The following NRG3 variants were observed in gnomAD, a reference collection of about 807,000 sequenced individuals.
NRG3 encodes the protein neuregulin 3.
Under a neutral mutation model 66.9 loss-of-function variants are expected in NRG3, and 31 were observed. The observed-to-expected ratio is 0.46, with a 90% CI of 0.35 to 0.63. The LOEUF is 0.63. Among genes scored for constraint, NRG3 ranks in the 20% least tolerant of loss-of-function variants. NRG3 has a pLI of 0.00. For synonymous variants in NRG3, 393 were observed against 359.4 expected (o/e 1.09, Z -1.06); for missense variants, 910 against 878.9 (o/e 1.04, Z -0.45).
At chr10:81,918,831 C>A (rs7898035) in intron 1 of NRG3, among the ~76,000 whole-genome samples, 1 of 13,986 alleles carries the variant, frequency 7.2e-5, no homozygotes, top group African/African-American at 2.7e-4. Flanking sequence ...AAAACAAAAA[C>A]AAACACAAAA....
intron 2 of NRG3, among the ~76,000 whole-genome samples, chr10:82,472,799 TTTG>T (rs2132068362): frequency 6.6e-6 from 1 of 152,352 alleles, no homozygotes; most frequent in South Asian, 2.1e-4. Flanking sequence ...ACTAAGTGAC[TTTG>T]TTGTTTTATT....
At chr10:82,971,529 C>T (rs1291724984) in intron 6 of NRG3, among the ~76,000 whole-genome samples, 4 of 151,546 alleles carry the variant, frequency 2.6e-5, no homozygotes, top group South Asian at 2.1e-4. Flanking sequence ...CTCAATCTCC[C>T]GGGTTCAAGC....
At chr10:82,191,375 A>T (rs1367144541) in intron 1 of NRG3, among the ~76,000 whole-genome samples, 1 of 152,280 alleles carries the variant, frequency 6.6e-6, no homozygotes, top group South Asian at 2.1e-4. Context: ...TGCTTTCATG[A>T]TAAGTCTAAG....
At chr10:82,550,245 T>C (rs1459255026) in intron 2 of NRG3, among the ~76,000 whole-genome samples, 1 of 152,108 alleles carries the variant, frequency 6.6e-6, no homozygotes, top group Non-Finnish European at 1.5e-5. Context: ...ATTTAAAAAA[T>C]TTTTCCTTTT....
intron 1 of NRG3, among the ~76,000 whole-genome samples, chr10:82,062,857 A>C (rs17655804): frequency 6.6e-6 from 1 of 152,124 alleles, no homozygotes; most frequent in Non-Finnish European, 1.5e-5. Flanking sequence ...CTTGCTGTGT[A>C]TTCAGAGCAT....
chr10:82,936,978 G>C (rs1255770079), intron 4 of NRG3, among the ~76,000 whole-genome samples: 2 of 152,010 alleles, frequency 1.3e-5, no homozygotes. Flanking sequence ...TATCAGCACT[G>C]ATATTTATAA....
intron 1 of NRG3, among the ~76,000 whole-genome samples, chr10:81,910,111 T>C (rs1844983417): frequency 6.6e-6 from 1 of 152,232 alleles, no homozygotes; most frequent in Non-Finnish European, 1.5e-5. Flanking sequence ...GAGGGTTTTC[T>C]CAATTAGCAT....
intron 3 of NRG3, among the ~76,000 whole-genome samples, chr10:82,837,824 C>T (rs2062854404): frequency 1.3e-5 from 2 of 152,224 alleles, no homozygotes; most frequent in East Asian, 1.9e-4. Context: ...GGTGCAGGAG[C>T]TTTCAAAGGA....
At chr10:82,879,958 CTTTTT>C (rs35159008) in intron 4 of NRG3, among the ~76,000 whole-genome samples, 14 of 78,438 alleles carry the variant, frequency 1.8e-4, no homozygotes, top group African/African-American at 7.0e-4. Flanking sequence ...GATTTCATCC[CTTTTT>C]TTTTTTTTTT....
chr10:82,350,381 G>A (rs2083355208), intron 1 of NRG3, among the ~76,000 whole-genome samples: 1 of 152,196 alleles, frequency 6.6e-6, no homozygotes, highest in African/African-American at 2.4e-5. Flanking sequence ...TGGTGATACA[G>A]AGACTGACTT....
chr10:82,795,731 G>A (rs1299900498), intron 3 of NRG3, among the ~76,000 whole-genome samples: 1 of 152,148 alleles, frequency 6.6e-6, no homozygotes, highest in Non-Finnish European at 1.5e-5. Context: ...GGGTAAAGCA[G>A]AAGAGACTTC....
intron 2 of NRG3, among the ~76,000 whole-genome samples, chr10:82,453,791 G>A (rs150956772): frequency 6.6e-6 from 1 of 152,074 alleles, no homozygotes. Context: ...ATTCAACAGA[G>A]AGAAGGTTAA....
intron 1 of NRG3, among the ~76,000 whole-genome samples, chr10:82,337,318 G>A (rs1186881772): frequency 4.6e-5 from 7 of 152,182 alleles, no homozygotes; most frequent in Admixed American, 4.6e-4. Flanking sequence ...GTTCACCCAT[G>A]CTGTAGCATG....
chr10:82,459,974 G>A (rs570389074), intron 2 of NRG3, among the ~76,000 whole-genome samples: 6 of 152,288 alleles, frequency 3.9e-5, no homozygotes, highest in African/African-American at 1.4e-4. Flanking sequence ...TTGAGTAATG[G>A]CAAGGTCATG....
intron 1 of NRG3, among the ~76,000 whole-genome samples, chr10:82,263,182 G>A (rs1564725669): frequency 1.3e-5 from 2 of 152,196 alleles, no homozygotes; most frequent in African/African-American, 2.4e-5. Context: ...GTAACAGGAG[G>A]TGGGTGTACA....
chr10:82,657,677 C>A (rs1377695893), intron 2 of NRG3, among the ~76,000 whole-genome samples: 1 of 151,778 alleles, frequency 6.6e-6, no homozygotes, highest in African/African-American at 2.4e-5. Context: ...CACAACTGTA[C>A]ATTACAAATG....
intron 1 of NRG3, among the ~76,000 whole-genome samples, chr10:81,899,782 A>G (rs1408035515): frequency 1.3e-5 from 2 of 152,110 alleles, no homozygotes; most frequent in Non-Finnish European, 2.9e-5. Flanking sequence ...TTGTTGAGTA[A>G]ACACTCGGGC....
chr10:82,973,857 C>G lies in NRG3; in HGVS notation c.1354C>G (p.Gln452Glu). 1 of 1,614,062 alleles carries G rather than the reference C, an allele frequency of 6.2e-7. No homozygotes were observed. Among genetic ancestry groups the G allele is most frequent in the Non-Finnish European group, 8.5e-7 (1 of 1,179,960 alleles). ...GATGGAGTCAAGTTTTGTCGGCCCCCAGTCATTCCCTGAGGTCCCTTCTCC... is the reference window on the plus strand; with the variant it reads ...GATGGAGTCAAGTTTTGTCGGCCCCGAGTCATTCCCTGAGGTCCCTTCTCC... ...KMMESSFVGP[Q>E]SFPEVPSPDR... Residue 452 changes from glutamine (Q) to glutamate (E), a missense_variant, in exon 7 of 9, where the codon CAG becomes GAG. By Grantham distance (29) the Gln-to-Glu change is conservative. Transcript: ENST00000372141.
intron 4 of NRG3, among the ~76,000 whole-genome samples, chr10:82,873,725 T>C (rs1036853991): frequency 3.9e-5 from 6 of 152,184 alleles, no homozygotes; most frequent in African/African-American, 1.4e-4. Context: ...CATTTGAAAA[T>C]GTATTAGCAA....
Sources: allele counts gnomAD v4.1 joint callset (sites outside exome capture counted in the v4.1 genomes callset), GRCh38; gene constraint gnomAD v4.1.1; transcripts MANE v1.5; gene names NCBI Gene and HGNC (gene_info 2026-07-23, HGNC 2026-07-21).